PLXDC1: variants seen among roughly 807,000 people sequenced by gnomAD.
The protein encoded by PLXDC1 is plexin domain-containing protein 1.
Under a neutral mutation model 61.3 loss-of-function variants are expected in PLXDC1, and 39 were observed. The observed-to-expected ratio is 0.64, with a 90% CI of 0.49 to 0.83. The LOEUF (loss-of-function observed/expected upper bound fraction) is 0.83, where lower values mean the gene tolerates loss of function less well. Among genes scored for constraint, PLXDC1 ranks in the 40% least tolerant of loss-of-function variants. The probability of loss-of-function intolerance (pLI) is 0.00; values close to 1 mark genes in which losing one functional copy is unlikely to be tolerated. For missense variants in PLXDC1, 596 were observed against 666.5 expected, an observed-to-expected ratio of 0.89 and a Z score of 1.17; for synonymous variants, 212 against 254.5, an observed-to-expected ratio of 0.83 and a Z score of 1.59.
At chr17:39,119,310 G>C (rs1469280507) in intron 2 of PLXDC1, among the ~76,000 whole-genome samples, 1 of 152,200 alleles carries the variant, frequency 6.6e-6, no homozygotes, top group Admixed American at 6.5e-5. Flanking sequence ...GACAGCAAGA[G>C]TGTGAATGAG....
intron 7 of PLXDC1, among the ~76,000 whole-genome samples, chr17:39,105,028 C>G (rs1264660810): frequency 6.6e-6 from 1 of 152,170 alleles, no homozygotes; most frequent in Non-Finnish European, 1.5e-5. Flanking sequence ...CGTGTCCTTC[C>G]GTCCAGCCTG....
At chr17:39,135,186 G>A (rs921172797) in intron 2 of PLXDC1, among the ~76,000 whole-genome samples, 4 of 152,190 alleles carry the variant, frequency 2.6e-5, no homozygotes, top group Non-Finnish European at 4.4e-5. Context: ...TTAAAGCCTG[G>A]TCCTCCTGTC....
In PLXDC1 at chr17:39,103,225, A is replaced by G. The variant is rs1910486851; in HGVS notation, c.811+2629T>C. On this transcript the variant is annotated intron_variant, in intron 7 of 13. Coordinates refer to ENST00000315392, the MANE Select transcript of PLXDC1 (RefSeq NM_020405.5). ...GCGAGACTCCGTCTCAAAAAAAAAA[A>G]AAAGACATGCATTACTAAATAAGCT... 1.1e-4 allele frequency among the ~76,000 whole-genome samples: 17 copies of G among 152,082 alleles called. No homozygotes were observed. The South Asian group carries it at 3.5e-3, about 32-fold the overall frequency.
intron 3 of PLXDC1, 70 bp downstream of exon 3, chr17:39,109,178 G>A (rs1163766406): frequency 6.5e-7 from 1 of 1,540,078 alleles, no homozygotes; most frequent in Non-Finnish European, 8.8e-7. Context: ...CATGCCCACT[G>A]ACCAGGCAGG....
intron 9 of PLXDC1, chr17:39,079,823 C>T (rs1909486101): frequency 3.1e-6 from 1 of 320,898 alleles, no homozygotes; most frequent in South Asian, 2.6e-5. Flanking sequence ...CCAAGCCCTA[C>T]TCAAGCCCAG....
At chr17:39,107,020 G>A (rs1203053618) in intron 6 of PLXDC1, among the ~76,000 whole-genome samples, 1 of 152,128 alleles carries the variant, frequency 6.6e-6, no homozygotes, top group Admixed American at 6.5e-5. Flanking sequence ...TGCATGTGCT[G>A]TGTGCTGTTG....
At chr17:39,100,036 C>T (rs1435167544) in intron 7 of PLXDC1, among the ~76,000 whole-genome samples, 1 of 152,162 alleles carries the variant, frequency 6.6e-6, no homozygotes, top group East Asian at 1.9e-4. Flanking sequence ...GCTTTTGTCT[C>T]GCTTGCCTGC....
At chr17:39,146,872 A>G (rs1296060796) in intron 1 of PLXDC1, among the ~76,000 whole-genome samples, 2 of 151,610 alleles carry the variant, frequency 1.3e-5, no homozygotes, top group Admixed American at 6.6e-5. Context: ...GAAAAAAAAA[A>G]AAGAAGGATT....
Position 39,144,434 on chromosome 17 carries a change from C to T in PLXDC1, c.77-4602G>A, listed in dbSNP as rs567610677. Among the ~76,000 whole-genome samples the T allele has an allele frequency of 3.9e-5, 6 of 152,314 alleles. No homozygotes were observed. The South Asian group carries it at 6.2e-4, about 16-fold the overall frequency. On this transcript the variant is annotated intron_variant, in intron 1 of 13. Coordinates refer to ENST00000315392, the MANE Select transcript of PLXDC1 (RefSeq NM_020405.5). ...GGAGCTTGACCAGGACCCTGGCCTA[C>T]CCTGGCCTAGCCCTGAATCTTACTC...
intron 7 of PLXDC1, among the ~76,000 whole-genome samples, chr17:39,097,741 T>TAAATAAAC (rs1555571393): frequency 2.7e-5 from 4 of 150,074 alleles, no homozygotes; most frequent in African/African-American, 9.8e-5. Flanking sequence ...AATAAATAAA[T>TAAATAAAC]AAATAAATAA....
chr17:39,128,107 A>ATGTGTATATATGTG (rs1911386904), intron 2 of PLXDC1, among the ~76,000 whole-genome samples: 1 of 100,632 alleles, frequency 9.9e-6, no homozygotes, highest in Non-Finnish European at 1.9e-5. Flanking sequence ...GTATATATAT[A>ATGTGTATATATGTG]TATATATGTA....
Position 39,067,760 on chromosome 17 carries a change from C to A in PLXDC1, c.*80G>T. 7.2e-7 allele frequency: 1 copy of A among 1,385,598 alleles called. No individual in the cohort carries two copies. The highest frequency in any genetic ancestry group is 1.3e-5 in the South Asian group (1 of 75,842). 85.8% of individuals were successfully genotyped at this position (1,385,598 alleles called of 1,614,324 possible). A position where few individuals can be genotyped will look rare whatever the true frequency, so the allele number is the denominator to read the frequency against. Reference sequence around the variant, plus strand: ...TCAGCCCAGGGCATGCTGGGAGAGGCCAGGAAAAGTCACTTCTCTTCTTTG... The same window carrying A: ...TCAGCCCAGGGCATGCTGGGAGAGGACAGGAAAAGTCACTTCTCTTCTTTG... On this transcript the variant is annotated 3_prime_UTR_variant, in exon 14 of 14. Coordinates refer to ENST00000315392, the MANE Select transcript of PLXDC1 (RefSeq NM_020405.5).
intron 8 of PLXDC1, 87 bp from the exon 9 acceptor site, chr17:39,083,627 A>T (rs893235722): frequency 1.0e-6 from 1 of 1,001,922 alleles, no homozygotes. Context: ...GTATTTACAG[A>T]ACTATGGAGC....
At chr17:39,120,607 T>TTG (rs1241203064) in intron 2 of PLXDC1, among the ~76,000 whole-genome samples, 2 of 19,224 alleles carry the variant, frequency 1.0e-4, no homozygotes, top group Non-Finnish European at 1.9e-4. Flanking sequence ...TTATTTTAGG[T>TTG]TTTTTTTTTT....
intron 7 of PLXDC1, among the ~76,000 whole-genome samples, chr17:39,096,304 A>G (rs1468456300): frequency 6.6e-6 from 1 of 152,254 alleles, no homozygotes; most frequent in African/African-American, 2.4e-5. Context: ...AGAAGAGGCC[A>G]GAAATGACTC....
chr17:39,150,620 T>C (rs1376420364), intron 1 of PLXDC1, among the ~76,000 whole-genome samples: 2 of 151,948 alleles, frequency 1.3e-5, no homozygotes, highest in East Asian at 3.9e-4. Context: ...GAGATGAGTT[T>C]GGAGAACTGG....
chr17:39,101,869 C>T (rs1390305091), intron 7 of PLXDC1, among the ~76,000 whole-genome samples: 6 of 152,170 alleles, frequency 3.9e-5, no homozygotes, highest in South Asian at 2.1e-4. Context: ...GGGTGTCTAG[C>T]GGCTGGCCCT....
chr17:39,084,782 G>A (rs1234127938), intron 8 of PLXDC1, among the ~76,000 whole-genome samples: 3 of 152,218 alleles, frequency 2.0e-5, no homozygotes, highest in South Asian at 2.1e-4. Context: ...TGGAGGGCGC[G>A]TGAACCCTTC....
intron 9 of PLXDC1, chr17:39,079,383 C>T: frequency 1.7e-6 from 1 of 596,918 alleles, no homozygotes; most frequent in Non-Finnish European, 3.2e-6. Context: ...ACCAAGGCCA[C>T]ATCTGCCCAT....
Sources: gnomAD v4.1 joint callset for allele counts (sites outside exome capture counted in the v4.1 genomes callset) on GRCh38, gnomAD v4.1.1 for gene constraint, MANE v1.5 for transcripts, NCBI Gene and HGNC (gene_info 2026-07-23, HGNC 2026-07-21) for gene names.